The following NEGR1 variants were observed in gnomAD, a reference collection of about 807,000 sequenced individuals.
NEGR1 encodes IgLON family member 4.
A neutral mutation model predicts 40.9 loss-of-function variants in NEGR1; 10 were observed. The observed-to-expected ratio is 0.24, with a 90% CI of 0.15 to 0.42. NEGR1 has a LOEUF of 0.42. Among genes scored for constraint, NEGR1 ranks in the 10% least tolerant of loss-of-function variants. The pLI is 1.00. For synonymous variants in NEGR1, 185 were observed against 166.8 expected, an observed-to-expected ratio of 1.11 and a Z score of -0.84; for missense variants, 352 against 438.9, an observed-to-expected ratio of 0.80 and a Z score of 1.77.
intron 3 of NEGR1, among the ~76,000 whole-genome samples, chr1:71,702,109 T>C (rs951607539): frequency 1.3e-5 from 2 of 152,104 alleles, no homozygotes; most frequent in African/African-American, 4.8e-5. Context: ...TTTGGTTACA[T>C]ATTTGTAATA....
intron 3 of NEGR1, among the ~76,000 whole-genome samples, chr1:71,749,565 C>T (rs2101685743): frequency 6.6e-6 from 1 of 152,164 alleles, no homozygotes; most frequent in Admixed American, 6.5e-5. Context: ...TTTTTGACAG[C>T]TGCTTGGGCC....
intron 2 of NEGR1, among the ~76,000 whole-genome samples, chr1:71,838,425 A>G (rs964846703): frequency 6.6e-6 from 1 of 152,164 alleles, no homozygotes; most frequent in Non-Finnish European, 1.5e-5. Context: ...TTAAACATCT[A>G]TTTTAAAAAT....
intron 1 of NEGR1, among the ~76,000 whole-genome samples, chr1:72,203,275 G>A (rs1166862443): frequency 6.6e-6 from 1 of 152,052 alleles, no homozygotes; most frequent in South Asian, 2.1e-4. Flanking sequence ...ATTCATTGGG[G>A]GAAGTCAAAA....
At chr1:72,038,846 G>T (rs1184265958) in intron 1 of NEGR1, among the ~76,000 whole-genome samples, 1 of 151,988 alleles carries the variant, frequency 6.6e-6, no homozygotes, top group African/African-American at 2.4e-5. Flanking sequence ...GGTTCTTAAG[G>T]TATCACCATT....
At chr1:71,988,134 C>A (rs994283537) in intron 1 of NEGR1, among the ~76,000 whole-genome samples, 2 of 152,184 alleles carry the variant, frequency 1.3e-5, no homozygotes, top group African/African-American at 4.8e-5. Context: ...ACACTGCCTG[C>A]CAGTGAGGCC....
intron 1 of NEGR1, among the ~76,000 whole-genome samples, chr1:71,957,698 C>A (rs1481426712): frequency 1.3e-5 from 2 of 152,134 alleles, no homozygotes; most frequent in African/African-American, 4.8e-5. Flanking sequence ...ATATCTACTA[C>A]CATTCTACCC....
intron 1 of NEGR1, among the ~76,000 whole-genome samples, chr1:72,147,797 C>T (rs1046200290): frequency 4.6e-5 from 7 of 152,078 alleles, no homozygotes; most frequent in Non-Finnish European, 5.9e-5. Flanking sequence ...AAATGGGTTA[C>T]AGGGCCCACA....
At chr1:71,641,483 T>C (rs1221398538) in intron 4 of NEGR1, among the ~76,000 whole-genome samples, 1 of 152,034 alleles carries the variant, frequency 6.6e-6, no homozygotes, top group Non-Finnish European at 1.5e-5. Flanking sequence ...TTCCTCTGTA[T>C]TCTTTAAGCT....
intron 2 of NEGR1, among the ~76,000 whole-genome samples, chr1:71,920,425 A>C (rs1645705400): frequency 6.6e-6 from 1 of 152,146 alleles, no homozygotes; most frequent in South Asian, 2.1e-4. Context: ...CATGCCTTGT[A>C]ATTAAACCTC....
intron 1 of NEGR1, among the ~76,000 whole-genome samples, chr1:71,942,988 G>A (rs1247397380): frequency 1.6e-3 from 198 of 121,616 alleles, no homozygotes; most frequent in Non-Finnish European, 1.9e-3. Flanking sequence ...GTATATATGT[G>A]TATATATATG....
At chr1:71,713,303 A>G (rs543734857) in intron 3 of NEGR1, among the ~76,000 whole-genome samples, 3 of 152,316 alleles carry the variant, frequency 2.0e-5, no homozygotes, top group South Asian at 4.1e-4. Flanking sequence ...AGCACTAGGA[A>G]AAGGTCTACC....
intron 2 of NEGR1, among the ~76,000 whole-genome samples, chr1:71,785,407 G>A (rs1003917398): frequency 6.6e-6 from 1 of 151,792 alleles, no homozygotes; most frequent in Non-Finnish European, 1.5e-5. Context: ...AAAACCTTCA[G>A]TGATGGTAAC....
intron 2 of NEGR1, among the ~76,000 whole-genome samples, chr1:71,811,005 G>C (rs1466980760): frequency 6.6e-6 from 1 of 152,092 alleles, no homozygotes; most frequent in Admixed American, 6.6e-5. Context: ...CCATAAAACA[G>C]GTATTCTTGA....
At chr1:71,947,023 G>C (rs1646026033) in intron 1 of NEGR1, among the ~76,000 whole-genome samples, 1 of 150,248 alleles carries the variant, frequency 6.7e-6, no homozygotes, top group Non-Finnish European at 1.5e-5. Context: ...GGGAGGTGGA[G>C]GTTGCAGTGA....
chr1:71,727,564 C>T (rs1033624965), intron 3 of NEGR1, among the ~76,000 whole-genome samples: 2 of 152,126 alleles, frequency 1.3e-5, no homozygotes, highest in Non-Finnish European at 2.9e-5. Context: ...GAGGCACAAT[C>T]ACCAAAACAA....
intron 1 of NEGR1, among the ~76,000 whole-genome samples, chr1:72,182,077 A>C (rs1652397274): frequency 6.6e-6 from 1 of 152,192 alleles, no homozygotes; most frequent in Non-Finnish European, 1.5e-5. Flanking sequence ...AATACAAAAA[A>C]TGGGTAATTG....
chr1:72,132,352 G>A (rs1420599006), intron 1 of NEGR1, among the ~76,000 whole-genome samples: 1 of 152,142 alleles, frequency 6.6e-6, no homozygotes, highest in Non-Finnish European at 1.5e-5. Flanking sequence ...AGAAAAAAGG[G>A]AGCAGGCAAG....
At chr1:71,502,383 A>G (rs760089533) in intron 6 of NEGR1, among the ~76,000 whole-genome samples, 15 of 152,172 alleles carry the variant, frequency 9.9e-5, no homozygotes, top group Admixed American at 3.3e-4. Context: ...GCTAGGAGAT[A>G]AATTACCTGG....
chr1:72,121,320 A>G lies in NEGR1; in HGVS notation c.176+160999T>C, dbSNP rs573630992. On this transcript the variant is annotated intron_variant, in intron 1 of 6. Transcript: ENST00000357731. Reference sequence around the variant, plus strand: ...AGAATTCTGAGTCCATACTTCCAAGAAGACAATACTATAAGTACGTAAGTT... The same window carrying G: ...AGAATTCTGAGTCCATACTTCCAAGGAGACAATACTATAAGTACGTAAGTT... Among the ~76,000 whole-genome samples, 5 of 152,112 alleles carry G rather than the reference A, an allele frequency of 3.3e-5. No homozygotes were observed. In the South Asian group the frequency reaches 6.2e-4, roughly 19 times the overall value.
Sources: allele counts gnomAD v4.1 joint callset (sites outside exome capture counted in the v4.1 genomes callset), GRCh38; gene constraint gnomAD v4.1.1; transcripts MANE v1.5; gene names NCBI Gene and HGNC (gene_info 2026-07-23, HGNC 2026-07-21).